The following CHRNA9 variants were observed in gnomAD, a reference collection of about 807,000 sequenced individuals.
CHRNA9 encodes the protein cholinergic receptor nicotinic alpha 9 subunit.
CHRNA9 carries 24 observed loss-of-function variants against 36.8 expected under a neutral mutation model. The ratio of observed to expected loss-of-function variants is 0.65; its 90% CI spans 0.47 to 0.92. The LOEUF is 0.92. Ranked by LOEUF, CHRNA9 falls within the 40% of genes least tolerant of loss-of-function variation. The pLI is 0.00. For synonymous variants in CHRNA9, 231 were observed against 231.8 expected (o/e 1.00, Z 0.03); for missense variants, 610 against 601.2 (o/e 1.01, Z -0.15).
chr4:40,354,481 G>A lies in CHRNA9; in HGVS notation c.1401G>A (p.Val467=), dbSNP rs1215452149. 1.2e-6 allele frequency: 2 copies of A among 1,613,858 alleles called. No homozygotes were observed. Among genetic ancestry groups the A allele is most frequent in the Admixed American group, 1.7e-5 (1 of 60,012 alleles). The part of the protein sequence containing the change: ...RFFMWIFFIM[V]FVMTILIIAR... Reference sequence around the variant, plus strand: ...TCATGTGGATTTTTTTCATTATGGTGTTTGTGATGACTATTTTGATCATAG... The same window carrying A: ...TCATGTGGATTTTTTTCATTATGGTATTTGTGATGACTATTTTGATCATAG... Residue 467 remains valine (V), a synonymous_variant, in exon 5 of 5, where the codon GTG becomes GTA. Transcript: ENST00000310169.
chr4:40,338,505 G>A (rs1026122199), intron 3 of CHRNA9, among the ~76,000 whole-genome samples: 16 of 152,132 alleles, frequency 1.1e-4, no homozygotes, highest in African/African-American at 3.4e-4. Flanking sequence ...AAGTTTCTGT[G>A]GAGTGGGAAG....
chr4:40,354,064 C>T lies in CHRNA9; in HGVS notation c.984C>T (p.Ala328=), dbSNP rs199832460. ...IMVMNIHFCG[A]EARPVPHWAR... ...TGATGAATATCCACTTCTGTGGGGC[C>T]GAGGCCCGGCCGGTGCCACACTGGG... Residue 328 remains alanine (A), a synonymous_variant, in exon 5 of 5, where the codon GCC becomes GCT. Coordinates refer to ENST00000310169, the MANE Select transcript of CHRNA9 (RefSeq NM_017581.4). 6.8e-5 allele frequency: 110 copies of T among 1,614,196 alleles called. No individual in the cohort carries two copies. Among genetic ancestry groups the T allele is most frequent in the South Asian group, 2.3e-4 (21 of 91,080 alleles).
chr4:40,340,178 C>T (rs896531331), intron 3 of CHRNA9, among the ~76,000 whole-genome samples: 9 of 152,232 alleles, frequency 5.9e-5, no homozygotes, highest in Middle Eastern at 3.4e-3. Flanking sequence ...CCTAGTGTGG[C>T]TTTGGCTGGT....
intron 3 of CHRNA9, among the ~76,000 whole-genome samples, chr4:40,341,607 C>T (rs35846520): frequency 0.028 from 4,279 of 152,212 alleles, 193 homozygotes; most frequent in African/African-American, 0.097. Flanking sequence ...CAATGGGAAA[C>T]GTCTAGAGGG....
At chr4:40,339,393 G>T (rs1712432461) in intron 3 of CHRNA9, among the ~76,000 whole-genome samples, 1 of 149,572 alleles carries the variant, frequency 6.7e-6, no homozygotes, top group East Asian at 2.0e-4. Context: ...TTTAAGACAG[G>T]GTCTGGGGGC....
chr4:40,343,559 C>T (rs1471064079), intron 3 of CHRNA9, among the ~76,000 whole-genome samples: 1 of 152,202 alleles, frequency 6.6e-6, no homozygotes, highest in Non-Finnish European at 1.5e-5. Flanking sequence ...GTGAGCTACA[C>T]TTCGAGATGA....
At chr4:40,346,217 G>A (rs962994275) in intron 3 of CHRNA9, among the ~76,000 whole-genome samples, 2 of 152,164 alleles carry the variant, frequency 1.3e-5, no homozygotes, top group South Asian at 2.1e-4. Flanking sequence ...TGTCTTCCTG[G>A]GAGGTTATCT....
At position 40,349,096 on chromosome 4, in the gene CHRNA9, C is replaced by T. The variant is rs1712721270; in HGVS notation, c.580C>T (p.Leu194Phe). ...ATTCAACGCCTTGGACAGCGGAGATCTCTCTGACTTCATTGAAGATGTGGA... is the reference window on the plus strand; with the variant it reads ...ATTCAACGCCTTGGACAGCGGAGATTTCTCTGACTTCATTGAAGATGTGGA... The part of the protein sequence containing the change: ...DIFNALDSGD[L>F]SDFIEDVEWE... Residue 194 changes from leucine (L) to phenylalanine (F), a missense_variant, in exon 4 of 5, where the codon CTC (leucine) becomes TTC (phenylalanine). Coordinates refer to ENST00000310169, the MANE Select transcript of CHRNA9 (RefSeq NM_017581.4). 6.2e-7 allele frequency: 1 copy of T among 1,614,164 alleles called. No homozygotes were observed. The highest frequency in any genetic ancestry group is 8.5e-7 in the Non-Finnish European group (1 of 1,180,032).
intron 3 of CHRNA9, 72 bp from the exon 4 acceptor site, chr4:40,348,810 G>A: frequency 6.9e-7 from 1 of 1,459,610 alleles, no homozygotes; most frequent in Non-Finnish European, 9.4e-7. Context: ...TGGGGACAGT[G>A]AGCTGTCTGG....
rs4993661 is a variant in CHRNA9, at chr4:40,338,891, T to A, written c.365+1527T>A. Among the ~76,000 whole-genome samples the A allele has an allele frequency of 8.2e-3, 961 of 117,454 alleles. 12 individuals are homozygous for A. Among genetic ancestry groups the A allele is most frequent in the African/African-American group, 0.025 (907 of 36,862 alleles). 77.1% of individuals were successfully genotyped at this position (117,454 alleles called of 152,430 possible). ...CTGTCTCTCTCTCTCCCTCTCTCTC[T>A]CACACACACACACACACAGAGCAAG... On this transcript the variant is annotated intron_variant, in intron 3 of 4. Transcript: ENST00000310169.
At chr4:40,335,762 GTGT>G (rs1259400423) in intron 1 of CHRNA9, 62 bp from the exon 2 acceptor site, 2 of 1,506,394 alleles carry the variant, frequency 1.3e-6, no homozygotes, top group Admixed American at 1.7e-5. Flanking sequence ...CCTCAGTCTT[GTGT>G]TGTTTGTCTT....
intron 3 of CHRNA9, among the ~76,000 whole-genome samples, chr4:40,345,017 G>T (rs375019905): frequency 4.5e-4 from 69 of 152,280 alleles, no homozygotes; most frequent in Middle Eastern, 6.8e-3. Flanking sequence ...TTGAGTAAGA[G>T]AAACTCACAG....
rs1165474451 is a variant in CHRNA9, at chr4:40,349,320, G to A, written c.804G>A (p.Lys268=). 1 of 1,614,068 alleles carries A rather than the reference G, an allele frequency of 6.2e-7. No individual in the cohort carries two copies. The highest frequency in any genetic ancestry group is 8.5e-7 in the Non-Finnish European group (1 of 1,179,984). The stretch of plus-strand genomic sequence containing the variant: ...ATCTCCCAGCAGCCTCCGGAGAAAA[G>A]GTCTCCCTGGGAGTGACCATCCTGT... ...SFYLPAASGE[K]VSLGVTILLA... is the part of the protein sequence containing the mutation. The change falls in exon 4 of 5, where the codon AAG becomes AAA. Residue 268 remains lysine, a synonymous_variant. Transcript: ENST00000310169.
intron 2 of CHRNA9, among the ~76,000 whole-genome samples, 184 bp from the exon 3 acceptor site, chr4:40,337,026 G>C (rs869080524): frequency 6.6e-6 from 1 of 151,660 alleles, no homozygotes; most frequent in Admixed American, 6.6e-5. Flanking sequence ...AATCTAGGAG[G>C]AAAAAAAATA....
rs946361187 is a variant in CHRNA9, at chr4:40,349,164, C to A, written c.648C>A (p.Ser216=). The change falls in exon 4 of 5, where the codon TCC becomes TCA. Residue 216 remains serine, a synonymous_variant. Coordinates refer to ENST00000310169, the MANE Select transcript of CHRNA9 (RefSeq NM_017581.4). ...TGCCCGCTGTGAAGAATGTGATCTC[C>A]TATGGCTGCTGCTCTGAGCCTTACC... ...HGMPAVKNVI[S]YGCCSEPYPD... 9 of 1,614,080 alleles carry A rather than the reference C, an allele frequency of 5.6e-6. No homozygotes were observed. Among genetic ancestry groups the A allele is most frequent in the Non-Finnish European group, 6.8e-6 (8 of 1,180,040 alleles).
intron 4 of CHRNA9, among the ~76,000 whole-genome samples, chr4:40,351,235 G>C (rs141609209): frequency 0.011 from 1,675 of 151,096 alleles, 24 homozygotes; most frequent in African/African-American, 0.038. Flanking sequence ...GGGAGGCTGA[G>C]ACAGGAGAAT....
chr4:40,341,278 T>TTTTTTTTGTTTTTTG (rs534603925), intron 3 of CHRNA9, among the ~76,000 whole-genome samples: 6 of 151,890 alleles, frequency 4.0e-5, no homozygotes, highest in African/African-American at 7.3e-5. Flanking sequence ...GGTCAGGTTT[T>TTTTTTTTGTTTTTTG]TTTTTTTGTT....
At position 40,354,661 on chromosome 4, in the gene CHRNA9, G is replaced by A; in HGVS notation, c.*141G>A. 2.7e-6 allele frequency: 2 copies of A among 736,172 alleles called. No homozygotes were observed. The highest frequency in any genetic ancestry group is 2.5e-5 in the East Asian group (1 of 39,806). The allele number at this position is 736,172 out of a possible 1,614,324, so 45.6% of individuals were successfully genotyped here. On this transcript the variant is annotated 3_prime_UTR_variant, in exon 5 of 5. Coordinates refer to ENST00000310169, the MANE Select transcript of CHRNA9 (RefSeq NM_017581.4). ...TTTTTATTTTTAGCTTCAAATGAAT[G>A]TCGAAGCTATCTGCTCTGTTAAATT... is the stretch of plus-strand genomic sequence containing the variant.
At chr4:40,353,481 ACT>A (rs1246129943) in intron 4 of CHRNA9, among the ~76,000 whole-genome samples, 1 of 146,774 alleles carries the variant, frequency 6.8e-6, no homozygotes, top group Non-Finnish European at 1.5e-5. Context: ...ACAGAGCGAG[ACT>A]CTGTCTCAAA....
Sources: gnomAD v4.1 joint callset for allele counts (sites outside exome capture counted in the v4.1 genomes callset) on GRCh38, gnomAD v4.1.1 for gene constraint, MANE v1.5 for transcripts, NCBI Gene and HGNC (gene_info 2026-07-23, HGNC 2026-07-21) for gene names.